The following PREPL variants were observed in gnomAD, a reference collection of about 807,000 sequenced individuals.
The protein encoded by PREPL is prolyl endopeptidase like.
Under a neutral mutation model 70.6 loss-of-function variants are expected in PREPL, and 77 were observed. That is an observed-to-expected ratio of 1.09 (90% CI 0.91 to 1.32). The LOEUF is 1.32. PREPL is among the 40% of genes most tolerant of loss of function. PREPL has a pLI of 0.00. For missense variants in PREPL, 1,002 were observed against 778.2 expected, an observed-to-expected ratio of 1.29 and a Z score of -3.42; for synonymous variants, 315 against 264.8, an observed-to-expected ratio of 1.19 and a Z score of -1.84.
chr2:44,320,914 T>G lies in PREPL; in HGVS notation c.*442A>C, dbSNP rs1672886385. 2.2e-6 allele frequency: 1 copy of G among 448,926 alleles called. No homozygotes were observed. Among genetic ancestry groups the G allele is most frequent in the Non-Finnish European group, 4.0e-6 (1 of 249,262 alleles). The allele number at this position is 448,926 out of a possible 1,614,324, so 27.8% of individuals were successfully genotyped here. ...TAGGACCCCAGATTATTCAAAAACT[T>G]TAACGAATTTTAAGGGGAAGAATTT... On this transcript the variant is annotated 3_prime_UTR_variant, in exon 14 of 14. Transcript: ENST00000409411.
intron 1 of PREPL, 78 bp from the exon 2 acceptor site, chr2:44,346,468 T>TA (rs1479770055): frequency 6.1e-6 from 8 of 1,315,102 alleles, no homozygotes; most frequent in Admixed American, 2.0e-5. Flanking sequence ...TAAGTAGGTC[T>TA]ATACCGTAGA....
At position 44,321,394 on chromosome 2, in the gene PREPL, T is replaced by G; in HGVS notation, c.1879A>C (p.Ser627Arg). Residue 627 changes from serine to arginine, a missense_variant, in exon 14 of 14, where the codon AGT (serine) becomes CGT (arginine). By Grantham distance (110) the Ser-to-Arg change is moderately radical. Transcript: ENST00000409411. ...TATTTCTTAAGATCCTCGAAAACAC[T>G]GGTGCTGTCAAGTCCAAGTTCCTCG... ...LYEELGLDST[S>R]VFEDLKKYLK... is the part of the protein sequence containing the mutation. 1 of 1,612,886 alleles carries G rather than the reference T, an allele frequency of 6.2e-7. No individual in the cohort carries two copies. Among genetic ancestry groups the G allele is most frequent in the African/African-American group, 1.3e-5 (1 of 74,996 alleles).
intron 10 of PREPL, among the ~76,000 whole-genome samples, chr2:44,324,783 A>T (rs1191092882): frequency 6.6e-6 from 1 of 152,168 alleles, no homozygotes. Context: ...GATACTCAGG[A>T]GGCTGAGGTG....
Position 44,346,620 on chromosome 2 carries a change from T to C in PREPL, c.-48-230A>G, listed in dbSNP as rs146879243. 4.8e-3 allele frequency among the ~76,000 whole-genome samples: 726 copies of C among 152,266 alleles called. 8 individuals are homozygous for C. The highest frequency in any genetic ancestry group is 0.016 in the African/African-American group (680 of 41,576). On this transcript the variant is annotated intron_variant, in intron 1 of 13. Transcript: ENST00000409411. Reference sequence around the variant, plus strand: ...TAAGATAGACATTTGATGGTTATACTATTATTTTAGATGAATAAGTCCTTA... The same window carrying C: ...TAAGATAGACATTTGATGGTTATACCATTATTTTAGATGAATAAGTCCTTA...
Position 44,338,466 on chromosome 2 carries a change from G to A in PREPL, c.773C>T (p.Thr258Ile), listed in dbSNP as rs367888286. The A allele has an allele frequency of 1.9e-6, 3 of 1,612,618 alleles. No individual in the cohort carries two copies. Among genetic ancestry groups the A allele is most frequent in the Non-Finnish European group, 2.5e-6 (3 of 1,179,338 alleles). Reference sequence around the variant, plus strand: ...AAACATGTCCAAGTCTATCACTTTTGTATTTCTCTTCATTGTAAAAAATAA... The same window carrying A: ...AAACATGTCCAAGTCTATCACTTTTATATTTCTCTTCATTGTAAAAAATAA... Reference protein sequence around the residue: ...WDLFFTMKRNTKVIDLDMFKD... With the variant: ...WDLFFTMKRNIKVIDLDMFKD... Residue 258 changes from threonine (T) to isoleucine (I), a missense_variant, in exon 7 of 14, where the codon ACA becomes ATA. Coordinates refer to ENST00000409411, the MANE Select transcript of PREPL (RefSeq NM_001171613.2).
upstream of PREPL, chr2:44,361,683 A>G (rs915499922): frequency 3.2e-6 from 1 of 313,022 alleles, no homozygotes; most frequent in Non-Finnish European, 5.8e-6. Flanking sequence ...GTTCTTCGCT[A>G]GTCTTCTGAG....
chr2:44,322,703 T>C (rs1220331460), intron 12 of PREPL, 28 bp downstream of exon 12: 1 of 1,606,966 alleles, frequency 6.2e-7, no homozygotes, highest in South Asian at 1.1e-5. Context: ...TGTTTGGCCA[T>C]GTTCCCTGCT....
intron 5 of PREPL, among the ~76,000 whole-genome samples, chr2:44,339,625 A>G (rs1244826084): frequency 6.6e-6 from 1 of 152,192 alleles, no homozygotes; most frequent in Non-Finnish European, 1.5e-5. Flanking sequence ...AGTTGAAAAA[A>G]CCATCTTGAT....
At chr2:44,324,902 A>G (rs940271783) in intron 10 of PREPL, among the ~76,000 whole-genome samples, 6 of 152,138 alleles carry the variant, frequency 3.9e-5, no homozygotes, top group African/African-American at 1.4e-4. Flanking sequence ...AAACAAAACA[A>G]AACAAAACAA....
At chr2:44,322,672 A>C (rs1289394780) in intron 12 of PREPL, 59 bp downstream of exon 12, 1 of 1,561,400 alleles carries the variant, frequency 6.4e-7, no homozygotes, top group Non-Finnish European at 8.7e-7. Context: ...TCCTCTGAGC[A>C]GTGTGCTGTG....
At chr2:44,332,353 T>A (rs1674201091) in intron 8 of PREPL, 106 bp downstream of exon 8, 2 of 995,618 alleles carry the variant, frequency 2.0e-6, no homozygotes, top group Non-Finnish European at 3.0e-6. Context: ...GTCTAAGAAA[T>A]CTACATTAGG....
upstream of PREPL, chr2:44,361,769 TG>T: frequency 1.7e-6 from 1 of 588,770 alleles, no homozygotes; most frequent in Non-Finnish European, 2.6e-6. Flanking sequence ...TCTCATCCTC[TG>T]GTCCGCCCTC....
chr2:44,325,818 A>G (rs1036354159), intron 10 of PREPL, among the ~76,000 whole-genome samples: 2 of 152,216 alleles, frequency 1.3e-5, no homozygotes, highest in African/African-American at 2.4e-5. Context: ...CATCTCAGTC[A>G]TTATTTTTCA....
At chr2:44,325,622 C>G (rs1170153638) in intron 10 of PREPL, among the ~76,000 whole-genome samples, 1 of 152,146 alleles carries the variant, frequency 6.6e-6, no homozygotes, top group Admixed American at 6.5e-5. Context: ...AAGTCAAAAT[C>G]TAGTTGCTTT....
chr2:44,328,065 C>A (rs1180454598), intron 9 of PREPL, among the ~76,000 whole-genome samples: 1 of 150,310 alleles, frequency 6.7e-6, no homozygotes, highest in East Asian at 2.0e-4. Flanking sequence ...GCGGGCGGAT[C>A]ACTTGAGGTC....
intron 12 of PREPL, among the ~76,000 whole-genome samples, chr2:44,322,165 C>G (rs562474975): frequency 5.3e-5 from 8 of 152,232 alleles, no homozygotes; most frequent in Non-Finnish European, 7.4e-5. Context: ...AGATCATCAA[C>G]CTGCCCTGTG....
At chr2:44,359,145 C>T (rs536327496) in intron 1 of PREPL, among the ~76,000 whole-genome samples, 7 of 149,748 alleles carry the variant, frequency 4.7e-5, no homozygotes, top group Non-Finnish European at 1.0e-4. Flanking sequence ...CTCAGCTCAC[C>T]GCAACCTCTG....
chr2:44,361,266 C>G (rs1446206920), intron 1 of PREPL, 114 bp downstream of exon 1: 1 of 152,362 alleles, frequency 6.6e-6, no homozygotes, highest in Non-Finnish European at 1.5e-5. Flanking sequence ...AGGTGACACG[C>G]ACGCAGTGCC....
At chr2:44,332,201 C>T (rs1674183024) in intron 8 of PREPL, among the ~76,000 whole-genome samples, 1 of 152,136 alleles carries the variant, frequency 6.6e-6, no homozygotes, top group South Asian at 2.1e-4. Flanking sequence ...CCGCCTCGGC[C>T]TCCCAAAGTG....
Sources: allele counts gnomAD v4.1 joint callset (sites outside exome capture counted in the v4.1 genomes callset), GRCh38; gene constraint gnomAD v4.1.1; transcripts MANE v1.5; gene names NCBI Gene and HGNC (gene_info 2026-07-23, HGNC 2026-07-21).